USH2A: variants seen among roughly 807,000 people sequenced by gnomAD.
USH2A encodes usherin.
A neutral mutation model predicts 538.9 loss-of-function variants in USH2A; 443 were observed. That is an observed-to-expected ratio of 0.82 (90% CI 0.76 to 0.89). The LOEUF (loss-of-function observed/expected upper bound fraction) is 0.89, where lower values mean the gene tolerates loss of function less well. Ranked by LOEUF, USH2A falls within the 40% of genes least tolerant of loss-of-function variation. The pLI, the probability that USH2A is intolerant of heterozygous loss-of-function variation, is 0.00. For synonymous variants in USH2A, 2,413 were observed against 2,273.5 expected (o/e 1.06, Z -1.75); for missense variants, 6,633 against 6,324.8 (o/e 1.05, Z -1.65).
intron 61 of USH2A, among the ~76,000 whole-genome samples, chr1:215,719,842 T>C (rs1469714687): frequency 6.6e-6 from 1 of 152,164 alleles, no homozygotes; most frequent in Non-Finnish European, 1.5e-5. Context: ...AAGATCCTAA[T>C]GTTGTCTTCA....
intron 30 of USH2A, among the ~76,000 whole-genome samples, chr1:216,053,138 A>G (rs1386029203): frequency 6.6e-6 from 1 of 152,260 alleles, no homozygotes; most frequent in Non-Finnish European, 1.5e-5. Context: ...ATACATAAAG[A>G]AGAATGTTTG....
In USH2A at chr1:215,675,113, G is replaced by C; in HGVS notation, c.12798C>G (p.Leu4266=). ...AAACATAGGATATCACAGGTGGAGA[G>C]AGACCTTCTGGAGGTGCTTGCAATG... ...VRTLQAPPEG[L]SPPVISYVSM... is the part of the protein sequence containing the mutation. The change falls in exon 63 of 72, where the codon CTC becomes CTG. Residue 4266 remains leucine, a synonymous_variant. Coordinates refer to ENST00000307340, the MANE Select transcript of USH2A (RefSeq NM_206933.4). The C allele has an allele frequency of 6.2e-7, 1 of 1,614,092 alleles. No individual in the cohort carries two copies. Among genetic ancestry groups the C allele is most frequent in the Non-Finnish European group, 8.5e-7 (1 of 1,180,004 alleles).
Position 216,070,063 on chromosome 1 carries a change from A to G in USH2A, c.6049+38T>C, listed in dbSNP as rs770698790. 30 of 1,606,796 alleles carry G rather than the reference A, an allele frequency of 1.9e-5. No homozygotes were observed. In the Middle Eastern group the frequency reaches 4.9e-4, roughly 26 times the overall value. On this transcript the variant is annotated intron_variant, in intron 30 of 71. Coordinates refer to ENST00000307340, the MANE Select transcript of USH2A (RefSeq NM_206933.4). Reference sequence around the variant, plus strand: ...TTATTTAAAATGCAAACAAAAAGGAAGTTAATAGGGTCTACTCTGTTAAAG... The same window carrying G: ...TTATTTAAAATGCAAACAAAAAGGAGGTTAATAGGGTCTACTCTGTTAAAG...
intron 16 of USH2A, among the ~76,000 whole-genome samples, chr1:216,200,892 T>C (rs992423680): frequency 2.0e-5 from 3 of 150,748 alleles, no homozygotes; most frequent in African/African-American, 4.9e-5. Context: ...GCGAGGAGGG[T>C]TCCATTAAGC....
chr1:216,067,496 GAAAA>G (rs368313875), intron 30 of USH2A, among the ~76,000 whole-genome samples: 1 of 124,126 alleles, frequency 8.1e-6, no homozygotes, highest in Non-Finnish European at 1.7e-5. Context: ...GCCAGGGAGA[GAAAA>G]AAAAAAAAAA....
At chr1:216,029,408 T>C (rs958016612) in intron 32 of USH2A, among the ~76,000 whole-genome samples, 1 of 152,118 alleles carries the variant, frequency 6.6e-6, no homozygotes, top group African/African-American at 2.4e-5. Flanking sequence ...GTGTACATAT[T>C]AGTTATTAGC....
chr1:215,701,361 C>T (rs190127409), intron 61 of USH2A, among the ~76,000 whole-genome samples: 9 of 152,242 alleles, frequency 5.9e-5, no homozygotes, highest in Admixed American at 3.3e-4. Context: ...GAGTTCAAGT[C>T]CTGAATATCC....
At chr1:215,730,891 G>T (rs930746502) in intron 60 of USH2A, among the ~76,000 whole-genome samples, 1 of 152,170 alleles carries the variant, frequency 6.6e-6, no homozygotes, top group African/African-American at 2.4e-5. Flanking sequence ...CAGATATCAG[G>T]TACCAGGTGT....
At chr1:215,772,896 A>G (rs755448119) in intron 55 of USH2A, among the ~76,000 whole-genome samples, 12 of 152,186 alleles carry the variant, frequency 7.9e-5, no homozygotes, top group Non-Finnish European at 1.5e-4. Context: ...TACGTTAAAA[A>G]GTTTTTGTTT....
At chr1:215,738,992 A>G (rs1199629920) in intron 60 of USH2A, among the ~76,000 whole-genome samples, 1 of 152,178 alleles carries the variant, frequency 6.6e-6, no homozygotes, top group Non-Finnish European at 1.5e-5. Flanking sequence ...GAAAAATTTG[A>G]TATTGTTGTT....
chr1:215,782,295 A>T (rs2102762937), intron 53 of USH2A, 99 bp from the exon 54 acceptor site: 1 of 1,281,378 alleles, frequency 7.8e-7, no homozygotes, highest in African/African-American at 1.5e-5. Flanking sequence ...ATGCAATACT[A>T]TAGCTTTATT....
At chr1:216,080,175 T>C (rs542785912) in intron 26 of USH2A, 1 of 152,072 alleles carries the variant, frequency 6.6e-6, no homozygotes, top group South Asian at 2.1e-4. Flanking sequence ...CATGACAAAA[T>C]AAATAAGATT....
At chr1:216,284,595 G>A (rs1185405822) in intron 11 of USH2A, among the ~76,000 whole-genome samples, 1 of 152,172 alleles carries the variant, frequency 6.6e-6, no homozygotes, top group Non-Finnish European at 1.5e-5. Flanking sequence ...TGGGTAGTGG[G>A]GCGCTGCTGT....
chr1:216,311,337 AT>A (rs965326151), intron 9 of USH2A, among the ~76,000 whole-genome samples: 2 of 151,950 alleles, frequency 1.3e-5, no homozygotes, highest in African/African-American at 4.8e-5. Context: ...CTCAATCTTA[AT>A]TTTTCCAGTG....
intron 61 of USH2A, among the ~76,000 whole-genome samples, chr1:215,721,826 C>T (rs547086059): frequency 2.1e-4 from 32 of 152,150 alleles, no homozygotes; most frequent in African/African-American, 5.3e-4. Flanking sequence ...CACTTTGGGA[C>T]GCCGCAGCGG....
At chr1:215,756,908 C>T (rs1330478128) in intron 58 of USH2A, among the ~76,000 whole-genome samples, 3 of 149,110 alleles carry the variant, frequency 2.0e-5, no homozygotes, top group South Asian at 4.3e-4. Context: ...GAGAGAGACC[C>T]GGTCTCAAAA....
intron 58 of USH2A, among the ~76,000 whole-genome samples, chr1:215,745,285 T>C (rs2797226): frequency 0.41 from 62,131 of 152,012 alleles, 12,884 homozygotes; most frequent in Admixed American, 0.47. Flanking sequence ...CAGGTATAAA[T>C]AAGAAAATAA....
At chr1:216,398,349 C>T (rs1031159917) in intron 3 of USH2A, among the ~76,000 whole-genome samples, 4 of 152,130 alleles carry the variant, frequency 2.6e-5, no homozygotes, top group Non-Finnish European at 2.9e-5. Context: ...CCCTAGTTTT[C>T]GTTGTTGTTT....
intron 37 of USH2A, among the ~76,000 whole-genome samples, chr1:215,951,743 T>A (rs560480171): frequency 1.3e-5 from 2 of 152,336 alleles, no homozygotes; most frequent in South Asian, 4.1e-4. Context: ...TGCTCCTGTA[T>A]TGGGTGCATA....
Sources: allele counts gnomAD v4.1 joint callset (sites outside exome capture counted in the v4.1 genomes callset), GRCh38; gene constraint gnomAD v4.1.1; transcripts MANE v1.5; gene names NCBI Gene and HGNC (gene_info 2026-07-23, HGNC 2026-07-21).